The following SBNO1 variants were observed in gnomAD, a reference collection of about 807,000 sequenced individuals.
SBNO1 encodes strawberry notch homolog 1, also known as protein strawberry notch homolog 1.
SBNO1 carries 23 observed loss-of-function variants against 173.6 expected under a neutral mutation model. The observed-to-expected ratio is 0.13, with a 90% CI of 0.10 to 0.19. The LOEUF is 0.19. SBNO1 is among the 10% of genes least tolerant of loss of function. The pLI is 1.00. For synonymous variants in SBNO1, 632 were observed against 571.5 expected (o/e 1.11, Z -1.51); for missense variants, 1,238 against 1,671.2 (o/e 0.74, Z 4.52).
At chr12:123,340,534 T>C (rs545977926) in intron 5 of SBNO1, among the ~76,000 whole-genome samples, 1 of 124,114 alleles carries the variant, frequency 8.1e-6, no homozygotes, top group African/African-American at 3.2e-5. Context: ...TGAGCCAAGA[T>C]AGCACCACTG....
In SBNO1 at chr12:123,302,845, T is replaced by A; in HGVS notation, c.3824A>T (p.Asp1275Val). The change falls in exon 30 of 32, where the codon GAT becomes GTT. Residue 1275 changes from aspartate to valine, a missense_variant. Coordinates refer to ENST00000602398, the MANE Select transcript of SBNO1 (RefSeq NM_001167856.3). ...HWLDQYNSSA[D>V]TCTHAYWRGN... ...TAACCAATAAGCATGAGTACAAGTATCTGCAGATGAATTATACTGATCTAA... is the reference window on the plus strand; with the variant it reads ...TAACCAATAAGCATGAGTACAAGTAACTGCAGATGAATTATACTGATCTAA... 1 of 1,613,402 alleles carries A rather than the reference T, an allele frequency of 6.2e-7. No individual in the cohort carries two copies. The highest frequency in any genetic ancestry group is 8.5e-7 in the Non-Finnish European group (1 of 1,179,504).
At position 123,291,895 on chromosome 12, in the gene SBNO1, G is replaced by C. The variant is rs1269575464; in HGVS notation, c.*4013C>G. 1.3e-5 allele frequency: 2 copies of C among 151,364 alleles called. No individual in the cohort carries two copies. Among genetic ancestry groups the C allele is most frequent in the African/African-American group, 4.9e-5 (2 of 41,128 alleles). The allele number at this position is 151,364 out of a possible 1,614,324, so 9.4% of individuals were successfully genotyped here. A position where few individuals can be genotyped will look rare whatever the true frequency, so the allele number is the denominator to read the frequency against. ...AATACAGCACAAAATTAGAGGGTGGGTTTTGGATTTTATCTCAAGTACTCA... is the reference window on the plus strand; with the variant it reads ...AATACAGCACAAAATTAGAGGGTGGCTTTTGGATTTTATCTCAAGTACTCA... On this transcript the variant is annotated 3_prime_UTR_variant, in exon 32 of 32. Coordinates refer to ENST00000602398, the MANE Select transcript of SBNO1 (RefSeq NM_001167856.3).
chr12:123,340,898 G>A (rs911632502), intron 5 of SBNO1, 90 bp downstream of exon 5: 3 of 796,886 alleles, frequency 3.8e-6, no homozygotes, highest in Non-Finnish European at 4.1e-6. Flanking sequence ...CCCAAAAACA[G>A]CTTTCTGAGG....
chr12:123,358,718 G>A (rs1190573594), intron 1 of SBNO1, among the ~76,000 whole-genome samples: 22 of 113,396 alleles, frequency 1.9e-4, no homozygotes, highest in Middle Eastern at 0.022. Context: ...ACTCCAGCCA[G>A]GGCAACACAG....
chr12:123,342,669 T>C (rs750082471), intron 4 of SBNO1, among the ~76,000 whole-genome samples: 2 of 152,242 alleles, frequency 1.3e-5, no homozygotes, highest in Middle Eastern at 3.4e-3. Flanking sequence ...CTTTTAAATA[T>C]AGCAATAAAA....
At position 123,323,648 on chromosome 12, in the gene SBNO1, C is replaced by T. The variant is rs539701065; in HGVS notation, c.2125+32G>A. ...GGATTACAGGTGTGAGCCACCGCAC[C>T]TGGCCTATTTTTTCTTTTTTAAAGT... On this transcript the variant is annotated intron_variant, in intron 16 of 31. Transcript: ENST00000602398. 5 of 1,557,318 alleles carry T rather than the reference C, an allele frequency of 3.2e-6. No individual in the cohort carries two copies. The East Asian group carries it at 1.2e-4, about 36-fold the overall frequency.
rs1252166049 is a variant in SBNO1, at chr12:123,320,608, CTAGA to C, written c.2492-5_2492-2del. ...CTGTTACTGTTGGTGTTACTGTTAG[CTAGA>C]TAAAGAACATTTGCTAAAAGTTAGT... On this transcript the variant is annotated splice_acceptor_variant and splice_polypyrimidine_tract_variant and intron_variant, in intron 18 of 31. Transcript: ENST00000602398. LOFTEE classifies it high-confidence loss of function. The C allele has an allele frequency of 6.2e-7, 1 of 1,607,450 alleles. No individual in the cohort carries two copies. The highest frequency in any genetic ancestry group is 8.5e-7 in the Non-Finnish European group (1 of 1,177,990).
At chr12:123,301,771 A>G (rs1039045774) in intron 30 of SBNO1, among the ~76,000 whole-genome samples, 4 of 152,054 alleles carry the variant, frequency 2.6e-5, no homozygotes, top group Non-Finnish European at 5.9e-5. Context: ...GGAAGAAAGA[A>G]AAGAGCCCAG....
At position 123,328,872 on chromosome 12, in the gene SBNO1, G is replaced by T; in HGVS notation, c.1158C>A (p.Ser386=). ...LNKFKYGKIS[S]KHNGSVKKGV... ...CCTTTTTCACACTCCCATTATGTTT[G>T]GAAGAAATTTTTCCGTATTTAAACT... Residue 386 remains serine, a synonymous_variant, in exon 10 of 32, where the codon TCC becomes TCA. Transcript: ENST00000602398. 1 of 1,565,880 alleles carries T rather than the reference G, an allele frequency of 6.4e-7. No homozygotes were observed.
rs1456720872 is a variant in SBNO1, at chr12:123,326,297, T to C, written c.1730A>G (p.Asp577Gly). Residue 577 changes from aspartate (D) to glycine (G), a missense_variant, in exon 14 of 32, where the codon GAT becomes GGT. Around this residue, in one of 14 missense-constraint regions of SBNO1, gnomAD observed 182 missense variants for 339.9 expected, o/e 0.54. Transcript: ENST00000602398. ...IARERFQQAA[D>G]LIDAEQRMKK... is the part of the protein sequence containing the mutation. ...CATTCGTTGCTCAGCATCAATCAGA[T>C]CTGCAGCTTGCTGAAACCGCTCTCT... The C allele has an allele frequency of 6.2e-7, 1 of 1,608,844 alleles. No individual in the cohort carries two copies. The highest frequency in any genetic ancestry group is 8.5e-7 in the Non-Finnish European group (1 of 1,177,112).
intron 7 of SBNO1, among the ~76,000 whole-genome samples, chr12:123,332,235 A>G (rs1040593855): frequency 2.0e-5 from 3 of 152,220 alleles, no homozygotes; most frequent in Non-Finnish European, 2.9e-5. Flanking sequence ...CAAATTAGTG[A>G]GGAGCCCGCC....
Position 123,313,201 on chromosome 12 carries a change from A to AAAATAAAT in SBNO1, c.3220+411_3220+418dup, listed in dbSNP as rs370130754. On this transcript the variant is annotated intron_variant, in intron 24 of 31. Transcript: ENST00000602398. ...TGGCGACAGAGCAAGACTCGGTCTT[A>AAAATAAAT]AAATAAATAAATAAATAAATAAATA... 3.2e-3 allele frequency among the ~76,000 whole-genome samples: 446 copies of AAAATAAAT among 138,348 alleles called. 4 individuals are homozygous for AAAATAAAT. The highest frequency in any genetic ancestry group is 7.4e-3 in the Middle Eastern group (2 of 270). The allele number at this position is 138,348 out of a possible 152,430, so 90.8% of individuals were successfully genotyped here. A position where few individuals can be genotyped will look rare whatever the true frequency, so the allele number is the denominator to read the frequency against.
chr12:123,361,996 G>A (rs561263843), intron 1 of SBNO1, among the ~76,000 whole-genome samples: 1 of 150,908 alleles, frequency 6.6e-6, no homozygotes, highest in African/African-American at 2.4e-5. Flanking sequence ...AAAATTAGCC[G>A]GGCATGGTGG....
chr12:123,330,581 A>C, intron 8 of SBNO1, 72 bp from the exon 9 acceptor site: 1 of 897,780 alleles, frequency 1.1e-6, no homozygotes, highest in Non-Finnish European at 1.7e-6. Context: ...AAAATTAATA[A>C]AGCCAGGTCT....
chr12:123,334,117 T>C lies in SBNO1; in HGVS notation c.845A>G (p.Glu282Gly). Residue 282 changes from glutamate (E) to glycine (G), a missense_variant, in exon 7 of 32, where the codon GAG (glutamate) becomes GGG (glycine). By Grantham distance (98) the Glu-to-Gly change is moderately conservative (BLOSUM62 -2). Coordinates refer to ENST00000602398, the MANE Select transcript of SBNO1 (RefSeq NM_001167856.3). Reference sequence around the variant, plus strand: ...TAACCAGCCATTATCAATGGTTTCCTCAGAAATGGATGTTTTGTACCAAAC... The same window carrying C: ...TAACCAGCCATTATCAATGGTTTCCCCAGAAATGGATGTTTTGTACCAAAC... Reference protein sequence around the residue: ...PDVWYKTSISEETIDNGWLSA... With the variant: ...PDVWYKTSISGETIDNGWLSA... The C allele has an allele frequency of 6.2e-7, 1 of 1,607,096 alleles. No homozygotes were observed. Among genetic ancestry groups the C allele is most frequent in the Non-Finnish European group, 8.5e-7 (1 of 1,177,274 alleles).
In SBNO1 at chr12:123,327,501, A is replaced by G. The variant is rs1328758568; in HGVS notation, c.1617T>C (p.Thr539=). The G allele has an allele frequency of 4.3e-6, 7 of 1,613,808 alleles. No individual in the cohort carries two copies. The highest frequency in any genetic ancestry group is 3.3e-5 in the Admixed American group (2 of 59,996). Residue 539 remains threonine, a synonymous_variant, in exon 13 of 32, where the codon ACT becomes ACC. Transcript: ENST00000602398. ...GMYIARQLSF[T]GVTFKIEEVL... is the part of the protein sequence containing the mutation. ...CTTCCTCAATTTTGAAGGTCACTCC[A>G]GTAAAGCTCAGTTGTCGAGCAATGT...
At position 123,326,269 on chromosome 12, in the gene SBNO1, C is replaced by T; in HGVS notation, c.1758G>A (p.Lys586=). ...ACCAGAACTGACCCCACATGGACTT[C>T]TTCATTCGTTGCTCAGCATCAATCA... The part of the protein sequence containing the change: ...ADLIDAEQRM[K]KSMWGQFWSA... The change falls in exon 14 of 32, where the codon AAG becomes AAA. Residue 586 remains lysine, a synonymous_variant. Transcript: ENST00000602398. 6.2e-7 allele frequency: 1 copy of T among 1,613,024 alleles called. No homozygotes were observed. The highest frequency in any genetic ancestry group is 1.1e-5 in the South Asian group (1 of 90,920).
intron 1 of SBNO1, among the ~76,000 whole-genome samples, chr12:123,356,859 G>T (rs1566057298): frequency 6.6e-6 from 1 of 152,198 alleles, no homozygotes; most frequent in Non-Finnish European, 1.5e-5. Context: ...TTTTAAATGT[G>T]CACGGATACT....
At chr12:123,348,550 AG>A (rs1251350264) in intron 2 of SBNO1, among the ~76,000 whole-genome samples, 1 of 152,166 alleles carries the variant, frequency 6.6e-6, no homozygotes, top group African/African-American at 2.4e-5. Context: ...GAGGATCACA[AG>A]GTCAGGAGAT....
Sources: gnomAD v4.1 joint callset for allele counts (sites outside exome capture counted in the v4.1 genomes callset) on GRCh38, gnomAD v4.1.1 for gene constraint, gnomAD v4.1.1 regional missense constraint, MANE v1.5 for transcripts, NCBI Gene and HGNC (gene_info 2026-07-23, HGNC 2026-07-21) for gene names.